TRPC6: variants seen among roughly 807,000 people sequenced by gnomAD.
TRPC6 encodes transient receptor potential cation channel subfamily C member 6.
In TRPC6, 55 loss-of-function variants were observed where a neutral mutation model predicts 90.7. The ratio of observed to expected loss-of-function variants is 0.61; its 90% CI spans 0.49 to 0.76. The LOEUF is 0.76. Ranked by LOEUF, TRPC6 falls within the 30% of genes least tolerant of loss-of-function variation. The probability of loss-of-function intolerance (pLI) is 0.00; values close to 1 mark genes in which losing one functional copy is unlikely to be tolerated. For synonymous variants in TRPC6, 393 were observed against 393.0 expected, an observed-to-expected ratio of 1.00 and a Z score of 0.00; for missense variants, 989 against 1,122.7, an observed-to-expected ratio of 0.88 and a Z score of 1.70.
intron 11 of TRPC6, 101 bp downstream of exon 11, chr11:101,454,917 T>C: frequency 1.1e-6 from 1 of 871,726 alleles, no homozygotes; most frequent in Non-Finnish European, 1.8e-6. Flanking sequence ...ATGCATTATT[T>C]GATATTGAGA....
At chr11:101,568,890 T>C (rs981472050) in intron 1 of TRPC6, among the ~76,000 whole-genome samples, 3 of 152,082 alleles carry the variant, frequency 2.0e-5, no homozygotes, top group Admixed American at 2.0e-4. Context: ...AAACAACCGA[T>C]ACAAGCCACT....
intron 1 of TRPC6, among the ~76,000 whole-genome samples, chr11:101,523,192 G>T (rs1389655238): frequency 6.6e-6 from 1 of 152,170 alleles, no homozygotes; most frequent in Non-Finnish European, 1.5e-5. Flanking sequence ...AAGGTAAACT[G>T]AGTCTTTCTG....
chr11:101,531,420 A>T (rs2136798761), intron 1 of TRPC6, among the ~76,000 whole-genome samples: 1 of 152,336 alleles, frequency 6.6e-6, no homozygotes, highest in African/African-American at 2.4e-5. Context: ...TCTGCATCCT[A>T]AACCTTGCAA....
chr11:101,583,477 G>C lies in TRPC6; in HGVS notation c.27C>G (p.Pro9=), dbSNP rs1332391830. Residue 9 remains proline (P), a synonymous_variant, in exon 1 of 13, where the codon CCC becomes CCG. Coordinates refer to ENST00000344327, the MANE Select transcript of TRPC6 (RefSeq NM_004621.6). ...CGCCCCGGGGAGAACTGCCCCTCCG[G>C]GGCCCGAACGCCGGGCTCTGGCTCA... MSQSPAFG[P]RRGSSPRGAA... is the part of the protein sequence containing the mutation. The C allele has an allele frequency of 6.6e-7, 1 of 1,513,298 alleles. No homozygotes were observed. Among genetic ancestry groups the C allele is most frequent in the African/African-American group, 1.4e-5 (1 of 70,782 alleles). 93.7% of individuals were successfully genotyped at this position (1,513,298 alleles called of 1,614,324 possible).
chr11:101,544,678 A>T (rs111683182), intron 1 of TRPC6, among the ~76,000 whole-genome samples: 37,108 of 151,664 alleles, frequency 0.24, 4,864 homozygotes, highest in East Asian at 0.4. Context: ...GGAGATGAAC[A>T]ATGAGAACAC....
chr11:101,456,791 C>T (rs1219668616), intron 10 of TRPC6, among the ~76,000 whole-genome samples: 1 of 152,134 alleles, frequency 6.6e-6, no homozygotes, highest in Non-Finnish European at 1.5e-5. Context: ...AATATAAACT[C>T]ACATGAAGCA....
chr11:101,538,042 C>T (rs1591120068), intron 1 of TRPC6, among the ~76,000 whole-genome samples: 2 of 152,104 alleles, frequency 1.3e-5, no homozygotes, highest in Non-Finnish European at 2.9e-5. Context: ...TCTCAATTAC[C>T]TTTATGTTGA....
At chr11:101,464,683 G>A (rs1318477852) in intron 10 of TRPC6, among the ~76,000 whole-genome samples, 3 of 151,904 alleles carry the variant, frequency 2.0e-5, no homozygotes, top group African/African-American at 7.3e-5. Context: ...GCCTATGTGT[G>A]TCTTTGCATG....
At chr11:101,560,682 A>C (rs969735008) in intron 1 of TRPC6, among the ~76,000 whole-genome samples, 1 of 152,124 alleles carries the variant, frequency 6.6e-6, no homozygotes, top group Non-Finnish European at 1.5e-5. Flanking sequence ...TCTGCCCAGA[A>C]CATTATGAGA....
At chr11:101,561,206 C>T (rs566647001) in intron 1 of TRPC6, among the ~76,000 whole-genome samples, 3 of 152,058 alleles carry the variant, frequency 2.0e-5, no homozygotes, top group East Asian at 1.9e-4. Flanking sequence ...GGGACTTTTC[C>T]TCCTACACTA....
intron 6 of TRPC6, among the ~76,000 whole-genome samples, chr11:101,475,941 T>C (rs1371260997): frequency 6.6e-6 from 1 of 151,286 alleles, no homozygotes; most frequent in East Asian, 1.9e-4. Context: ...TATATATGTA[T>C]ACAGAGAGAG....
In TRPC6 at chr11:101,460,390, G is replaced by A. The variant is rs187404878; in HGVS notation, c.2485-5289C>T. ...ATCATCTCTAGTACTTACAATGCTCGATATAATTTTATGTAACTGATAAAT... is the reference window on the plus strand; with the variant it reads ...ATCATCTCTAGTACTTACAATGCTCAATATAATTTTATGTAACTGATAAAT... On this transcript the variant is annotated intron_variant, in intron 10 of 12. Transcript: ENST00000344327. 1.8e-3 allele frequency among the ~76,000 whole-genome samples: 277 copies of A among 152,168 alleles called. 1 individual carries two copies. Among genetic ancestry groups the A allele is most frequent in the South Asian group, 3.7e-3 (18 of 4,818 alleles).
chr11:101,466,745 C>G (rs1404019719), intron 10 of TRPC6, among the ~76,000 whole-genome samples: 1 of 152,122 alleles, frequency 6.6e-6, no homozygotes, highest in Non-Finnish European at 1.5e-5. Flanking sequence ...CCAGGCACCA[C>G]TGGGGTATGG....
chr11:101,532,461 G>T (rs1860929567), intron 1 of TRPC6, among the ~76,000 whole-genome samples: 1 of 152,152 alleles, frequency 6.6e-6, no homozygotes. Flanking sequence ...GAATAAAAAT[G>T]ATTTGCCAGG....
chr11:101,492,321 C>T (rs559451662), intron 2 of TRPC6, among the ~76,000 whole-genome samples: 10 of 152,252 alleles, frequency 6.6e-5, no homozygotes, highest in Admixed American at 2.6e-4. Flanking sequence ...TGTTGGCTCC[C>T]GCCTGTAATC....
intron 2 of TRPC6, among the ~76,000 whole-genome samples, chr11:101,493,609 G>A (rs1327363860): frequency 6.6e-6 from 1 of 152,042 alleles, no homozygotes; most frequent in African/African-American, 2.4e-5. Flanking sequence ...CAACTGAGGG[G>A]GCAAGCTGGG....
intron 2 of TRPC6, among the ~76,000 whole-genome samples, chr11:101,492,504 C>G (rs1041006952): frequency 2.0e-5 from 3 of 151,944 alleles, no homozygotes; most frequent in African/African-American, 7.3e-5. Context: ...GGAGGATCAC[C>G]CGGGCAGGTT....
At chr11:101,473,242 G>A (rs1255753879) in intron 7 of TRPC6, among the ~76,000 whole-genome samples, 1 of 152,056 alleles carries the variant, frequency 6.6e-6, no homozygotes, top group African/African-American at 2.4e-5. Flanking sequence ...GTGAATTTCA[G>A]TTGCCTCTTG....
rs1044672839 is a variant in TRPC6, at chr11:101,583,447, G to C, written c.57C>G (p.Ala19=). The C allele has an allele frequency of 5.8e-6, 9 of 1,541,646 alleles. No individual in the cohort carries two copies. The highest frequency in any genetic ancestry group is 7.9e-6 in the Non-Finnish European group (9 of 1,143,030). ...PRRGSSPRGA[A]GAAARRNESQ... ...TCTCGTTGCGCCGCGCAGCGGCTCCGGCAGCGCCCCGGGGAGAACTGCCCC... is the reference window on the plus strand; with the variant it reads ...TCTCGTTGCGCCGCGCAGCGGCTCCCGCAGCGCCCCGGGGAGAACTGCCCC... Residue 19 remains alanine, a synonymous_variant, in exon 1 of 13, where the codon GCC becomes GCG. Transcript: ENST00000344327.
Sources: allele counts gnomAD v4.1 joint callset (sites outside exome capture counted in the v4.1 genomes callset), GRCh38; gene constraint gnomAD v4.1.1; transcripts MANE v1.5; gene names NCBI Gene and HGNC (gene_info 2026-07-23, HGNC 2026-07-21).